Variants in CMSS1 observed in about 807,000 individuals in gnomAD.
CMSS1 encodes the protein cms1 ribosomal small subunit homolog, also known as protein CMSS1.
Under a neutral mutation model 43.5 loss-of-function variants are expected in CMSS1, and 33 were observed. That is an observed-to-expected ratio of 0.76 (90% CI 0.57 to 1.01). The LOEUF (loss-of-function observed/expected upper bound fraction) is 1.01, where lower values mean the gene tolerates loss of function less well. CMSS1 is among the 50% of genes least tolerant of loss of function. The pLI is 0.00. For missense variants in CMSS1, 313 were observed against 326.4 expected (o/e 0.96, Z 0.32); for synonymous variants, 115 against 117.2 (o/e 0.98, Z 0.12).
At chr3:100,006,655 CAA>C (rs201648197) in intron 1 of CMSS1, among the ~76,000 whole-genome samples, 1 of 133,988 alleles carries the variant, frequency 7.5e-6, no homozygotes. Flanking sequence ...CTTTTCTTTC[CAA>C]AAAAAAAAAA....
chr3:100,011,577 G>A (rs981699415), intron 1 of CMSS1: 1 of 152,134 alleles, frequency 6.6e-6, no homozygotes, highest in Non-Finnish European at 1.5e-5. Flanking sequence ...TGGAATATTA[G>A]CACTTATTGT....
At chr3:100,072,231 C>G (rs1190763378) in intron 1 of CMSS1, among the ~76,000 whole-genome samples, 1 of 152,204 alleles carries the variant, frequency 6.6e-6, no homozygotes, top group African/African-American at 2.4e-5. Context: ...CTCTATCTCC[C>G]CAAGCCCAAA....
intron 1 of CMSS1, among the ~76,000 whole-genome samples, chr3:99,891,560 G>T (rs1181338860): frequency 6.6e-6 from 1 of 151,844 alleles, no homozygotes; most frequent in East Asian, 1.9e-4. Flanking sequence ...ATATGTGTTG[G>T]ATTTTTTGGG....
chr3:100,011,519 A>G (rs1710156436), intron 1 of CMSS1, among the ~76,000 whole-genome samples: 2 of 152,174 alleles, frequency 1.3e-5, no homozygotes, highest in Non-Finnish European at 2.9e-5. Context: ...TTTTAATTTT[A>G]TAAACTAAAT....
intron 1 of CMSS1, among the ~76,000 whole-genome samples, chr3:100,100,166 A>C (rs1486611053): frequency 2.6e-5 from 4 of 152,060 alleles, no homozygotes; most frequent in Non-Finnish European, 4.4e-5. Flanking sequence ...CAATGCTGCC[A>C]CTCAGATTTT....
intron 1 of CMSS1, among the ~76,000 whole-genome samples, chr3:100,006,687 A>G (rs1247723364): frequency 6.6e-6 from 1 of 151,774 alleles, no homozygotes. Context: ...CTTGGGTTGC[A>G]CTCAGCCCTT....
chr3:100,133,935 A>G (rs772232873), intron 1 of CMSS1, among the ~76,000 whole-genome samples: 8 of 152,220 alleles, frequency 5.3e-5, no homozygotes, highest in Non-Finnish European at 1.0e-4. Context: ...ACCTTGAATA[A>G]TTTACATTAA....
chr3:99,934,246 G>A (rs182125340), intron 1 of CMSS1, among the ~76,000 whole-genome samples: 2 of 152,180 alleles, frequency 1.3e-5, no homozygotes, highest in Non-Finnish European at 2.9e-5. Context: ...CATGGAAGAA[G>A]ATACAAGGCC....
At chr3:99,881,662 A>G (rs1705733917) in intron 1 of CMSS1, among the ~76,000 whole-genome samples, 1 of 151,876 alleles carries the variant, frequency 6.6e-6, no homozygotes, top group African/African-American at 2.4e-5. Context: ...CCTCCCTAGT[A>G]GCTGGGATTA....
intron 1 of CMSS1, among the ~76,000 whole-genome samples, chr3:99,901,911 G>GT (rs1706451107): frequency 1.3e-5 from 2 of 152,034 alleles, no homozygotes; most frequent in Admixed American, 6.6e-5. Context: ...TCAGCATAAT[G>GT]TTTTTTGTGT....
At chr3:99,972,312 C>T (rs1016855424) in intron 1 of CMSS1, among the ~76,000 whole-genome samples, 1 of 152,100 alleles carries the variant, frequency 6.6e-6, no homozygotes, top group South Asian at 2.1e-4. Context: ...GACTTAGATG[C>T]CAGGGATTTG....
chr3:99,938,074 TGCGCGC>T (rs57534383), intron 1 of CMSS1, among the ~76,000 whole-genome samples: 2 of 85,208 alleles, frequency 2.3e-5, no homozygotes, highest in South Asian at 5.9e-4. Flanking sequence ...TGTGTGTGTG[TGCGCGC>T]GCGCGCGCGC....
Position 99,817,901 on chromosome 3 carries a change from C to T in CMSS1, c.-79C>T. The T allele has an allele frequency of 1.3e-6, 2 of 1,499,738 alleles. No individual in the cohort carries two copies. The highest frequency in any genetic ancestry group is 3.4e-5 in the Admixed American group (2 of 59,028). The allele number at this position is 1,499,738 out of a possible 1,614,324, so 92.9% of individuals were successfully genotyped here. A position where few individuals can be genotyped will look rare whatever the true frequency, so the allele number is the denominator to read the frequency against. On this transcript the variant is annotated 5_prime_UTR_variant, in exon 1 of 10. Transcript: ENST00000421999. ...GCTCCGCGTGTAGCTACGCCGGCCG[C>T]CTGGCTTTGAGACAACGTGATTCTC...
chr3:99,961,759 A>G (rs978916874), intron 1 of CMSS1, among the ~76,000 whole-genome samples: 1 of 152,202 alleles, frequency 6.6e-6, no homozygotes, highest in African/African-American at 2.4e-5. Context: ...ATATTTAAAG[A>G]TAATGACACC....
At chr3:100,111,944 ACT>A (rs2066498251) in intron 1 of CMSS1, among the ~76,000 whole-genome samples, 1 of 152,076 alleles carries the variant, frequency 6.6e-6, no homozygotes, top group East Asian at 1.9e-4. Context: ...TAGTAATCAG[ACT>A]CTCTGTGCAG....
intron 8 of CMSS1, among the ~76,000 whole-genome samples, chr3:100,174,841 T>A (rs1038381017): frequency 6.6e-6 from 1 of 152,202 alleles, no homozygotes; most frequent in Non-Finnish European, 1.5e-5. Flanking sequence ...TTTCTGACTA[T>A]AGGAGCCTTT....
At chr3:100,147,178 T>C (rs2066859719) in intron 2 of CMSS1, 117 bp downstream of exon 2, 1 of 1,110,840 alleles carries the variant, frequency 9.0e-7, no homozygotes, top group African/African-American at 1.6e-5. Flanking sequence ...AAGAGAGCCT[T>C]TTACTTTCTT....
chr3:100,021,811 A>C (rs939927075), intron 1 of CMSS1, among the ~76,000 whole-genome samples: 1 of 152,170 alleles, frequency 6.6e-6, no homozygotes, highest in Admixed American at 6.5e-5. Flanking sequence ...CTAAATGATT[A>C]AAGAATAGAT....
chr3:100,034,149 G>A (rs904046750), intron 1 of CMSS1, among the ~76,000 whole-genome samples: 4 of 152,148 alleles, frequency 2.6e-5, no homozygotes, highest in Non-Finnish European at 5.9e-5. Flanking sequence ...GGTGATTATG[G>A]ACACTAAATT....
Sources: allele counts gnomAD v4.1 joint callset (sites outside exome capture counted in the v4.1 genomes callset), GRCh38; gene constraint gnomAD v4.1.1; transcripts MANE v1.5; gene names NCBI Gene and HGNC (gene_info 2026-07-23, HGNC 2026-07-21).